Variants in CCM2 observed in about 807,000 individuals in gnomAD.
The protein encoded by CCM2 is CCM2 scaffold protein.
Under a neutral mutation model 44.9 loss-of-function variants are expected in CCM2, and 25 were observed. The observed-to-expected ratio is 0.56, with a 90% CI of 0.41 to 0.78. CCM2 has a LOEUF of 0.78. Ranked by LOEUF, CCM2 falls within the 30% of genes least tolerant of loss-of-function variation. The probability of loss-of-function intolerance (pLI) is 0.00; values close to 1 mark genes in which losing one functional copy is unlikely to be tolerated. For missense variants in CCM2, 481 were observed against 580.6 expected (o/e 0.83, Z 1.76); for synonymous variants, 219 against 241.1 (o/e 0.91, Z 0.85).
At chr7:45,043,025 T>C (rs1414760693) in intron 2 of CCM2, among the ~76,000 whole-genome samples, 1 of 149,666 alleles carries the variant, frequency 6.7e-6, no homozygotes, top group Non-Finnish European at 1.5e-5. Flanking sequence ...CATGTTAGAG[T>C]GCAGTGGCAT....
intron 1 of CCM2, among the ~76,000 whole-genome samples, chr7:45,034,928 A>G (rs1583893475): frequency 6.7e-6 from 1 of 148,536 alleles, no homozygotes; most frequent in Non-Finnish European, 1.5e-5. Flanking sequence ...GCCTTGACCT[A>G]CCGGGCTCAA....
chr7:45,000,462 G>T (rs1179413678), intron 1 of CCM2, 99 bp downstream of exon 1: 1 of 248,984 alleles, frequency 4.0e-6, no homozygotes, highest in African/African-American at 2.9e-5. Context: ...CCCGGGGGGG[G>T]GGGCAGTGGG....
intron 1 of CCM2, among the ~76,000 whole-genome samples, chr7:45,010,366 TCTGA>T (rs1186443742): frequency 2.0e-5 from 3 of 152,320 alleles, no homozygotes; most frequent in Non-Finnish European, 4.4e-5. Flanking sequence ...GTAGTACTGT[TCTGA>T]TTTTTTTCCA....
intron 1 of CCM2, among the ~76,000 whole-genome samples, chr7:45,037,707 C>T (rs1268224580): frequency 2.0e-5 from 3 of 152,100 alleles, no homozygotes; most frequent in South Asian, 2.1e-4. Context: ...TGTGAGCCAC[C>T]GTGCCTGGCC....
chr7:45,075,215 A>C (rs1393792474), intron 9 of CCM2, among the ~76,000 whole-genome samples: 1 of 152,206 alleles, frequency 6.6e-6, no homozygotes, highest in Non-Finnish European at 1.5e-5. Flanking sequence ...GCCTCCTGGC[A>C]TGGGACTCTG....
chr7:45,070,095 C>A, intron 6 of CCM2, 134 bp downstream of exon 6: 2 of 1,160,310 alleles, frequency 1.7e-6, no homozygotes, highest in Non-Finnish European at 2.5e-6. Context: ...TGTTTCCAGA[C>A]TTTGCTGTTC....
At chr7:45,009,938 C>CGG (rs1796002183) in intron 1 of CCM2, among the ~76,000 whole-genome samples, 2 of 148,624 alleles carry the variant, frequency 1.3e-5, no homozygotes, top group Non-Finnish European at 3.0e-5. Context: ...TAAACAGGGT[C>CGG]TCACTCTGTC....
intron 3 of CCM2, 43 bp downstream of exon 3, chr7:45,064,044 C>T: frequency 2.9e-6 from 4 of 1,389,280 alleles, no homozygotes; most frequent in African/African-American, 2.8e-5. Flanking sequence ...CCTCAGCCCC[C>T]ACCAGCCCTT....
intron 6 of CCM2, chr7:45,071,740 G>T (rs1307207791): frequency 2.2e-6 from 1 of 456,440 alleles, no homozygotes; most frequent in African/African-American, 2.0e-5. Flanking sequence ...CCCTTCCTCT[G>T]TCTTCACAGC....
intron 1 of CCM2, chr7:45,027,799 T>A: frequency 6.2e-7 from 1 of 1,614,102 alleles, no homozygotes; most frequent in Non-Finnish European, 8.5e-7. Context: ...GAGAATGAGG[T>A]AGGTGCAAGT....
At position 45,004,996 on chromosome 7, in the gene CCM2, CAA is replaced by C. The variant is rs57545850; in HGVS notation, c.30+4646_30+4647del. ...GGGCGACAAGAGTAAGACTCCGTCT[CAA>C]AAAAAAAAAAAAGGCTCATGGTCAT... On this transcript the variant is annotated intron_variant, in intron 1 of 9. Coordinates refer to ENST00000258781, the MANE Select transcript of CCM2 (RefSeq NM_031443.4). 3.0e-3 allele frequency among the ~76,000 whole-genome samples: 422 copies of C among 139,742 alleles called. 1 individual carries two copies. Among genetic ancestry groups the C allele is most frequent in the Middle Eastern group, 7.4e-3 (2 of 272 alleles). The allele number at this position is 139,742 out of a possible 152,430, so 91.7% of individuals were successfully genotyped here. A position where few individuals can be genotyped will look rare whatever the true frequency, so the allele number is the denominator to read the frequency against.
At position 45,074,374 on chromosome 7, in the gene CCM2, G is replaced by C; in HGVS notation, c.1020G>C (p.Gln340His). ...ACGAGTTCTGCATCAACCTGCGGCA[G>C]CTCTACGGGGACAGCCGCAAGTTCC... is the stretch of plus-strand genomic sequence containing the variant. ...SIHEFCINLRQLYGDSRKFLL... is the reference protein window; with the variant it reads ...SIHEFCINLRHLYGDSRKFLL... The change falls in exon 9 of 10, where the codon CAG becomes CAC. Residue 340 changes from glutamine (Q) to histidine (H), a missense_variant. Gln to His is a conservative substitution (Grantham distance 24). Transcript: ENST00000258781. 6.2e-7 allele frequency: 1 copy of C among 1,613,618 alleles called. No individual in the cohort carries two copies.
intron 1 of CCM2, among the ~76,000 whole-genome samples, chr7:45,008,356 CTTTTTTTTTTT>C (rs59435094): frequency 7.0e-5 from 8 of 114,776 alleles, no homozygotes; most frequent in South Asian, 2.8e-4. Context: ...GGTACATGTT[CTTTTTTTTTTT>C]TTTTTTTTTT....
intron 1 of CCM2, among the ~76,000 whole-genome samples, chr7:45,031,292 G>C (rs1796954247): frequency 6.8e-6 from 1 of 147,950 alleles, no homozygotes; most frequent in Non-Finnish European, 1.5e-5. Flanking sequence ...TGAGGCAGGA[G>C]AATCGCTTGA....
intron 2 of CCM2, among the ~76,000 whole-genome samples, chr7:45,040,244 C>T (rs1405185144): frequency 5.3e-5 from 8 of 151,714 alleles, no homozygotes; most frequent in Admixed American, 1.3e-4. Flanking sequence ...ATTAGCCGGG[C>T]GCGGTGGCGG....
intron 1 of CCM2, chr7:45,027,632 T>G: frequency 6.2e-7 from 1 of 1,613,406 alleles, no homozygotes; most frequent in Non-Finnish European, 8.5e-7. Context: ...GTCTTCCTGT[T>G]CAGTCATGTT....
At position 45,065,232 on chromosome 7, in the gene CCM2, A is replaced by G. The variant is rs554434526; in HGVS notation, c.472+586A>G. 1.8e-4 allele frequency among the ~76,000 whole-genome samples: 28 copies of G among 152,364 alleles called. No individual in the cohort carries two copies. In the South Asian group the frequency reaches 5.8e-3, roughly 32 times the overall value. The stretch of plus-strand genomic sequence containing the variant: ...GTACAGTGCTGCCTCACTGGACCCA[A>G]GCCCAAGCTGCCCGTTAATTTCCAG... On this transcript the variant is annotated intron_variant, in intron 4 of 9. Coordinates refer to ENST00000258781, the MANE Select transcript of CCM2 (RefSeq NM_031443.4).
chr7:45,056,547 C>T (rs936571449), intron 2 of CCM2, among the ~76,000 whole-genome samples: 16 of 152,094 alleles, frequency 1.1e-4, no homozygotes, highest in Admixed American at 5.2e-4. Flanking sequence ...TATTTCATTA[C>T]GGTTTTGATT....
At chr7:45,041,818 TG>T (rs2128731888) in intron 2 of CCM2, among the ~76,000 whole-genome samples, 1 of 152,284 alleles carries the variant, frequency 6.6e-6, no homozygotes, top group Admixed American at 6.5e-5. Context: ...GAGACCACAT[TG>T]GGTGGGGCAG....
Sources: gnomAD v4.1 joint callset for allele counts (sites outside exome capture counted in the v4.1 genomes callset) on GRCh38, gnomAD v4.1.1 for gene constraint, MANE v1.5 for transcripts, NCBI Gene and HGNC (gene_info 2026-07-23, HGNC 2026-07-21) for gene names.